Variants in FANCB observed in about 807,000 individuals in gnomAD.
FANCB encodes Fanconi anemia group B protein.
A neutral mutation model predicts 38.9 loss-of-function variants in FANCB; 5 were observed. The observed-to-expected ratio is 0.13, with a 90% CI of 0.07 to 0.27. The LOEUF is 0.27. FANCB is among the 10% of genes least tolerant of loss of function. The probability of loss-of-function intolerance (pLI) is 1.00; values close to 1 mark genes in which losing one functional copy is unlikely to be tolerated. For synonymous variants in FANCB, 236 were observed against 215.4 expected (o/e 1.10, Z -0.84); for missense variants, 573 against 602.7 (o/e 0.95, Z 0.52).
intron 5 of FANCB, among the ~76,000 whole-genome samples, chrX:14,855,194 T>C (rs760555232): frequency 1.3e-4 from 14 of 111,733 alleles, no homozygotes; most frequent in Admixed American, 8.6e-4. Context: ...GGTCTCCCCA[T>C]CTCCCCTTCC....
At position 14,845,173 on chromosome X, in the gene FANCB, G is replaced by A. The variant is rs752804063; in HGVS notation, c.1610C>T (p.Ala537Val). 4 of 1,208,469 alleles carry A rather than the reference G, an allele frequency of 3.3e-6. No individual in the cohort carries two copies. The Admixed American group carries it at 8.8e-5, about 26-fold the overall frequency. The change falls in exon 8 of 10, where the codon GCA becomes GTA. Residue 537 changes from alanine (A) to valine (V), a missense_variant. Transcript: ENST00000650831. ...TATTTCACATGGCATCAAGTATGGT[G>A]CTGGGAAAGGATTTGTACTCAACTT... ...VIKLSTNPFP[A>V]PYLMPCEIGL... is the part of the protein sequence containing the mutation.
intron 7 of FANCB, among the ~76,000 whole-genome samples, chrX:14,849,644 T>C (rs1031124264): frequency 6.2e-5 from 7 of 112,648 alleles, no homozygotes; most frequent in African/African-American, 2.3e-4. Flanking sequence ...AGAGATACTT[T>C]GTTATTTAAC....
the FANCB span, among the ~76,000 whole-genome samples, chrX:14,789,616 C>A: frequency 8.9e-6 from 1 of 112,025 alleles, no homozygotes; most frequent in Admixed American, 9.5e-5. Flanking sequence ...TATGATGAGT[C>A]GTCATGCTCC....
intron 3 of FANCB, among the ~76,000 whole-genome samples, chrX:14,861,098 G>A (rs757657223): frequency 3.6e-5 from 4 of 110,703 alleles, no homozygotes; most frequent in Admixed American, 9.6e-5. Flanking sequence ...TGCCCAGGCC[G>A]GTCTCAAACT....
Position 14,843,808 on chromosome X carries a change from T to C in FANCB, c.2339A>G (p.His780Arg), listed in dbSNP as rs150377883. 1.5e-5 allele frequency: 18 copies of C among 1,208,970 alleles called. No homozygotes were observed. Among genetic ancestry groups the C allele is most frequent in the South Asian group, 1.2e-4 (7 of 56,813 alleles). ...LSSLSSAIAK[H>R]ESNFMQRCEV... Reference sequence around the variant, plus strand: ...ACACCTCTGCATAAAATTGCTTTCATGTTTAGCTATGGCAGAAGAAAGAGA... The same window carrying C: ...ACACCTCTGCATAAAATTGCTTTCACGTTTAGCTATGGCAGAAGAAAGAGA... Residue 780 changes from histidine to arginine, a missense_variant, in exon 10 of 10, where the codon CAT becomes CGT. Coordinates refer to ENST00000650831, the MANE Select transcript of FANCB (RefSeq NM_001018113.3).
At chrX:14,749,134 T>C in the FANCB span, among the ~76,000 whole-genome samples, 1 of 111,707 alleles carries the variant, frequency 9.0e-6, no homozygotes, top group African/African-American at 3.3e-5. Context: ...AAAGCAAGGA[T>C]GAAGAGGCCT....
the FANCB span, among the ~76,000 whole-genome samples, chrX:14,704,972 T>C: frequency 4.5e-5 from 5 of 112,025 alleles, no homozygotes; most frequent in Non-Finnish European, 7.5e-5. Flanking sequence ...AGGGAGAGTA[T>C]AGTGTACTTC....
Position 14,843,741 on chromosome X carries a change from T to C in FANCB, c.2406A>G (p.Leu802=). The C allele has an allele frequency of 8.3e-7, 1 of 1,211,476 alleles. No homozygotes were observed. Among genetic ancestry groups the C allele is most frequent in the Non-Finnish European group, 1.1e-6 (1 of 895,409 alleles). ...GATGGATATTTTCCCTTCTGTCTGA[T>C]AAAGCAGCCGCGACGACACTACTCT... ...KGKSSVVAAA[L]SDRRENIHPY... The change falls in exon 10 of 10, where the codon TTA becomes TTG. Residue 802 remains leucine, a synonymous_variant. Coordinates refer to ENST00000650831, the MANE Select transcript of FANCB (RefSeq NM_001018113.3).
the FANCB span, among the ~76,000 whole-genome samples, chrX:14,761,974 TG>T: frequency 1.8e-5 from 2 of 111,669 alleles, no homozygotes; most frequent in Non-Finnish European, 3.8e-5. Context: ...AGTGCATTTC[TG>T]CTGCTATAAT....
the FANCB span, among the ~76,000 whole-genome samples, chrX:14,796,494 TATATATAACATATATA>T: frequency 5.0e-5 from 5 of 100,517 alleles, no homozygotes; most frequent in Admixed American, 3.5e-4. Flanking sequence ...ACATATATTA[TATATATAACATATATA>T]ATATATAACA....
the FANCB span, among the ~76,000 whole-genome samples, chrX:14,811,829 G>A: frequency 5.1e-4 from 57 of 111,277 alleles, no homozygotes; most frequent in African/African-American, 1.7e-3. Flanking sequence ...AGACATCTAC[G>A]GAACTCTCCA....
At chrX:14,765,522 T>C in the FANCB span, among the ~76,000 whole-genome samples, 1 of 112,477 alleles carries the variant, frequency 8.9e-6, no homozygotes, top group East Asian at 2.8e-4. Flanking sequence ...AGTAAGAAGA[T>C]AGCTCAGAAA....
At chrX:14,795,392 C>T in the FANCB span, among the ~76,000 whole-genome samples, 4 of 111,727 alleles carry the variant, frequency 3.6e-5, no homozygotes, top group African/African-American at 6.5e-5. Context: ...TAGAAGACTA[C>T]AGTTTAGCTG....
chrX:14,809,610 C>T, the FANCB span, among the ~76,000 whole-genome samples: 539 of 112,005 alleles, frequency 4.8e-3, 7 homozygotes, highest in African/African-American at 0.017. Context: ...AACTGCAAGG[C>T]GGCAGGCAGG....
At chrX:14,785,169 TAGAATA>T in the FANCB span, among the ~76,000 whole-genome samples, 1 of 111,940 alleles carries the variant, frequency 8.9e-6, no homozygotes, top group Non-Finnish European at 1.9e-5. Flanking sequence ...CCCCAGAACT[TAGAATA>T]AGAATAAAAA....
chrX:14,839,487 G>A (rs1482473539), downstream of FANCB, among the ~76,000 whole-genome samples: 2 of 111,226 alleles, frequency 1.8e-5, no homozygotes, highest in Non-Finnish European at 3.8e-5. Context: ...CAATGAGGAT[G>A]GCATAATAAA....
the FANCB span, among the ~76,000 whole-genome samples, chrX:14,740,756 G>A: frequency 4.5e-5 from 5 of 111,163 alleles, no homozygotes; most frequent in African/African-American, 1.6e-4. Context: ...ATACATACAG[G>A]GCTTATTCAC....
the FANCB span, among the ~76,000 whole-genome samples, chrX:14,747,426 G>A: frequency 3.6e-5 from 4 of 112,533 alleles, no homozygotes; most frequent in African/African-American, 9.7e-5. Flanking sequence ...TCAGGAGAAT[G>A]CCTCTTGGTT....
chrX:14,763,618 T>C, the FANCB span, among the ~76,000 whole-genome samples: 11 of 111,961 alleles, frequency 9.8e-5, no homozygotes, highest in East Asian at 2.5e-3. Flanking sequence ...TTTGTCAAGC[T>C]GCACAGTTAA....
Sources: gnomAD v4.1 joint callset for allele counts (sites outside exome capture counted in the v4.1 genomes callset) on GRCh38, gnomAD v4.1.1 for gene constraint, MANE v1.5 for transcripts, NCBI Gene and HGNC (gene_info 2026-07-23, HGNC 2026-07-21) for gene names.